Variants in CDK13 observed in about 807,000 individuals in gnomAD.
CDK13 encodes cyclin-dependent kinase 13.
In CDK13, 40 loss-of-function variants were observed where a neutral mutation model predicts 137.6. The ratio of observed to expected loss-of-function variants is 0.29; its 90% CI spans 0.23 to 0.38. The LOEUF (loss-of-function observed/expected upper bound fraction) is 0.38, where lower values mean the gene tolerates loss of function less well. CDK13 is among the 10% of genes least tolerant of loss of function. CDK13 has a pLI of 1.00. For missense variants in CDK13, 1,704 were observed against 1,951.8 expected, an observed-to-expected ratio of 0.87 and a Z score of 2.39; for synonymous variants, 869 against 760.1, an observed-to-expected ratio of 1.14 and a Z score of -2.36.
At chr7:40,037,207 G>A (rs113331228) in intron 5 of CDK13, among the ~76,000 whole-genome samples, 14 of 152,314 alleles carry the variant, frequency 9.2e-5, no homozygotes, top group African/African-American at 3.1e-4. Flanking sequence ...GATTATGGTA[G>A]AAGCTACTAT....
rs142849251 is a variant in CDK13 at position 39,976,671 on chromosome 7, A to G, written c.1212-10928A>G. Among the ~76,000 whole-genome samples, 23 of 152,238 alleles carry G rather than the reference A, an allele frequency of 1.5e-4. No homozygotes were observed. The East Asian group carries it at 3.9e-3, about 26-fold the overall frequency. On this transcript the variant is annotated intron_variant, in intron 1 of 13. Coordinates refer to ENST00000181839, the MANE Select transcript of CDK13 (RefSeq NM_003718.5). ...ATACTATGTTTTTTTCTATACATAC[A>G]TACCTGTGATAAAGTTTAATTTATA...
chr7:40,065,281 G>A (rs1374435892), intron 9 of CDK13, among the ~76,000 whole-genome samples: 4 of 151,816 alleles, frequency 2.6e-5, no homozygotes. Context: ...ATATAAACAT[G>A]GAAACAACAA....
intron 3 of CDK13, chr7:39,999,103 C>T: frequency 3.5e-6 from 1 of 282,688 alleles, no homozygotes; most frequent in East Asian, 5.9e-5. Context: ...AGCCTTCATA[C>T]AAGCTCTACT....
intron 5 of CDK13, among the ~76,000 whole-genome samples, chr7:40,039,485 G>A (rs1785559355): frequency 7.0e-6 from 1 of 142,194 alleles, no homozygotes; most frequent in South Asian, 2.2e-4. Flanking sequence ...AGGCGGGAAT[G>A]CAGTGGCAGG....
intron 11 of CDK13, among the ~76,000 whole-genome samples, chr7:40,085,059 G>T (rs1786755783): frequency 6.6e-6 from 1 of 152,070 alleles, no homozygotes; most frequent in Admixed American, 6.6e-5. Flanking sequence ...CATCCATAAA[G>T]AATCTCTTAC....
intron 9 of CDK13, chr7:40,073,272 C>T (rs1205876001): frequency 6.6e-6 from 1 of 152,066 alleles, no homozygotes; most frequent in Non-Finnish European, 1.5e-5. Context: ...GATTTATATA[C>T]CTGGAATACC....
chr7:40,023,736 C>T (rs529046033), intron 5 of CDK13, among the ~76,000 whole-genome samples: 59 of 152,060 alleles, frequency 3.9e-4, no homozygotes, highest in South Asian at 2.1e-3. Context: ...CCGCCCGCCT[C>T]GGCCTCCCAA....
intron 5 of CDK13, among the ~76,000 whole-genome samples, chr7:40,038,831 G>A (rs1368325904): frequency 6.6e-6 from 1 of 152,160 alleles, no homozygotes; most frequent in African/African-American, 2.4e-5. Context: ...AAGTAGTTGG[G>A]ATTACAGTCA....
intron 1 of CDK13, among the ~76,000 whole-genome samples, chr7:39,954,313 A>G (rs1380831246): frequency 6.6e-6 from 1 of 152,242 alleles, no homozygotes; most frequent in Non-Finnish European, 1.5e-5. Context: ...TTAAAATATA[A>G]TAAGTGTATT....
rs1387552574 is a variant in CDK13 at position 40,092,427 on chromosome 7, G to A, written c.3236-358G>A. ...TTGTAAGGAATAAAGGATATTAAAT[G>A]CTTAGAAGGTATGTGACACTCCCTT... On this transcript the variant is annotated intron_variant, in intron 12 of 13. Transcript: ENST00000181839. The A allele has an allele frequency of 2.8e-4, 56 of 201,850 alleles. 1 individual carries two copies. The Admixed American group carries it at 2.9e-3, about 11-fold the overall frequency. 12.5% of individuals were successfully genotyped at this position (201,850 alleles called of 1,614,324 possible).
intron 9 of CDK13, among the ~76,000 whole-genome samples, chr7:40,077,786 G>A (rs1311163784): frequency 6.6e-6 from 1 of 152,156 alleles, no homozygotes; most frequent in East Asian, 1.9e-4. Context: ...AACCCAGGAG[G>A]CAGAGATTGC....
chr7:39,978,249 T>C (rs773423), intron 1 of CDK13, among the ~76,000 whole-genome samples: 151,317 of 152,336 alleles, frequency 0.99, 75,161 homozygotes, highest in East Asian at 1. Context: ...ATCATGAAGA[T>C]GAAAGGTAGT....
chr7:40,086,673 T>A (rs2150542909), intron 11 of CDK13, among the ~76,000 whole-genome samples: 1 of 152,338 alleles, frequency 6.6e-6, no homozygotes, highest in East Asian at 1.9e-4. Context: ...TGAGCCGCTC[T>A]ATGCCAGGAT....
At chr7:39,961,037 C>T (rs565814877) in intron 1 of CDK13, among the ~76,000 whole-genome samples, 24 of 151,858 alleles carry the variant, frequency 1.6e-4, no homozygotes, top group Non-Finnish European at 3.1e-4. Context: ...TAACACAGCT[C>T]GAAACAGCCA....
chr7:39,952,900 TA>T (rs1279804803), intron 1 of CDK13: 1 of 152,210 alleles, frequency 6.6e-6, no homozygotes, highest in Admixed American at 6.5e-5. Context: ...CAAAGTGCAT[TA>T]AAAACAACTT....
chr7:40,052,037 C>G (rs78901344), intron 7 of CDK13, among the ~76,000 whole-genome samples: 13,720 of 151,800 alleles, frequency 0.09, 995 homozygotes, highest in East Asian at 0.33. Flanking sequence ...TTTATTTTAC[C>G]AAGTCATTGC....
At chr7:40,007,543 C>T (rs777849052) in intron 5 of CDK13, among the ~76,000 whole-genome samples, 2 of 152,158 alleles carry the variant, frequency 1.3e-5, no homozygotes, top group Non-Finnish European at 2.9e-5. Context: ...TCTCCTGTCT[C>T]AGCCCCTGAA....
In CDK13 at chr7:39,950,340, C is replaced by T; in HGVS notation, c.-302C>T. On this transcript the variant is annotated 5_prime_UTR_variant, in exon 1 of 14. Coordinates refer to ENST00000181839, the MANE Select transcript of CDK13 (RefSeq NM_003718.5). ...GGGCACTTGGAGGACTCGGGACTCC[C>T]CCGCAGGTCAGCGCCCGGCGCATCT... 5 of 1,163,198 alleles carry T rather than the reference C, an allele frequency of 4.3e-6. No homozygotes were observed. Among genetic ancestry groups the T allele is most frequent in the Non-Finnish European group, 5.3e-6 (5 of 944,420 alleles). The allele number at this position is 1,163,198 out of a possible 1,614,324, so 72.1% of individuals were successfully genotyped here.
At chr7:40,023,629 G>A (rs1785176543) in intron 5 of CDK13, among the ~76,000 whole-genome samples, 1 of 151,900 alleles carries the variant, frequency 6.6e-6, no homozygotes, top group South Asian at 2.1e-4. Flanking sequence ...CCTTCAGAGT[G>A]GCTGGGACTG....
Sources: gnomAD v4.1 joint callset for allele counts (sites outside exome capture counted in the v4.1 genomes callset) on GRCh38, gnomAD v4.1.1 for gene constraint, MANE v1.5 for transcripts, NCBI Gene and HGNC (gene_info 2026-07-23, HGNC 2026-07-21) for gene names.